ZNF267: variants seen among roughly 807,000 people sequenced by gnomAD.
ZNF267 encodes zinc finger protein 267.
A neutral mutation model predicts 71.6 loss-of-function variants in ZNF267; 61 were observed. The observed-to-expected ratio is 0.85, with a 90% CI of 0.69 to 1.05. The LOEUF (loss-of-function observed/expected upper bound fraction) is 1.05, where lower values mean the gene tolerates loss of function less well. ZNF267 is among the 50% of genes least tolerant of loss of function. The probability of loss-of-function intolerance (pLI) is 0.00; values close to 1 mark genes in which losing one functional copy is unlikely to be tolerated. For synonymous variants in ZNF267, 288 were observed against 293.2 expected (o/e 0.98, Z 0.18); for missense variants, 852 against 870.0 (o/e 0.98, Z 0.26).
chr16:31,873,943 C>T lies in ZNF267; in HGVS notation c.-24C>T. On this transcript the variant is annotated 5_prime_UTR_variant, in exon 1 of 4. Coordinates refer to ENST00000300870, the MANE Select transcript of ZNF267 (RefSeq NM_003414.6). The stretch of plus-strand genomic sequence containing the variant: ...CACTGGGAGATTCGTAGCTAAGACG[C>T]CAGGGCATCCCGGAAGCTGGGAAAT... The T allele has an allele frequency of 1.9e-6, 3 of 1,613,630 alleles. No individual in the cohort carries two copies. The South Asian group carries it at 3.3e-5, about 18-fold the overall frequency.
intron 3 of ZNF267, among the ~76,000 whole-genome samples, chr16:31,899,629 A>T (rs771112401): frequency 1.6e-4 from 25 of 152,176 alleles, no homozygotes; most frequent in Non-Finnish European, 2.5e-4. Flanking sequence ...AGAACTAGAG[A>T]AGCAAGAGGA....
At chr16:31,906,171 G>A (rs539289774) in intron 3 of ZNF267, among the ~76,000 whole-genome samples, 45 of 152,206 alleles carry the variant, frequency 3.0e-4, no homozygotes, top group Non-Finnish European at 4.4e-4. Flanking sequence ...GTACCCGGCC[G>A]TGTGAGGTGT....
At chr16:31,906,944 A>G (rs1005594487) in intron 3 of ZNF267, among the ~76,000 whole-genome samples, 1 of 151,832 alleles carries the variant, frequency 6.6e-6, no homozygotes, top group Non-Finnish European at 1.5e-5. Context: ...TTTTTTTCTA[A>G]TTCATTTTTA....
At chr16:31,894,275 A>G (rs573103232) in intron 3 of ZNF267, among the ~76,000 whole-genome samples, 1 of 152,322 alleles carries the variant, frequency 6.6e-6, no homozygotes, top group African/African-American at 2.4e-5. Context: ...ATGACTGGAG[A>G]GGGCAGCCAG....
chr16:31,884,185 A>G (rs940706767), intron 1 of ZNF267, among the ~76,000 whole-genome samples: 1 of 152,224 alleles, frequency 6.6e-6, no homozygotes, highest in African/African-American at 2.4e-5. Context: ...TGACTTTTGC[A>G]CCTGAGAATT....
rs950391649 is a variant in ZNF267 at position 31,916,555 on chromosome 16, T to C, written c.*74T>C. On this transcript the variant is annotated 3_prime_UTR_variant, in exon 4 of 4. Transcript: ENST00000300870. ...GTGCATCAGATAATTTATATGGGAG[T>C]GAAACCCTACAAATGTTAAGAATGT... 13 of 1,369,924 alleles carry C rather than the reference T, an allele frequency of 9.5e-6. No homozygotes were observed. In the African/African-American group the frequency reaches 1.6e-4, roughly 17 times the overall value. 84.9% of individuals were successfully genotyped at this position (1,369,924 alleles called of 1,614,324 possible). A position where few individuals can be genotyped will look rare whatever the true frequency, so the allele number is the denominator to read the frequency against.
chr16:31,905,856 G>A (rs1055640216), intron 3 of ZNF267, among the ~76,000 whole-genome samples: 3 of 152,194 alleles, frequency 2.0e-5, no homozygotes, highest in African/African-American at 7.2e-5. Context: ...GAGGAGGAGA[G>A]GCACTCTGAT....
chr16:31,909,886 T>C (rs139157156), intron 3 of ZNF267, among the ~76,000 whole-genome samples: 121 of 152,354 alleles, frequency 7.9e-4, no homozygotes, highest in African/African-American at 2.8e-3. Context: ...TTCAGGATGA[T>C]ACTAGCTGTG....
At chr16:31,894,708 A>C in intron 3 of ZNF267, 1 of 477,350 alleles carries the variant, frequency 2.1e-6, no homozygotes, top group South Asian at 1.7e-5. Context: ...GCCTGGAGAC[A>C]GGGCATTCCA....
chr16:31,883,747 TA>T (rs2142333797), intron 1 of ZNF267, among the ~76,000 whole-genome samples: 1 of 152,398 alleles, frequency 6.6e-6, no homozygotes, highest in East Asian at 1.9e-4. Context: ...TTCTAGCTGT[TA>T]TAACTTGTAA....
chr16:31,873,932 T>C lies in ZNF267; in HGVS notation c.-35T>C. 6 of 1,613,720 alleles carry C rather than the reference T, an allele frequency of 3.7e-6. No individual in the cohort carries two copies. The highest frequency in any genetic ancestry group is 5.1e-6 in the Non-Finnish European group (6 of 1,179,732). ...CGACTTGCAGGCACTGGGAGATTCG[T>C]AGCTAAGACGCCAGGGCATCCCGGA... On this transcript the variant is annotated 5_prime_UTR_variant, in exon 1 of 4. Coordinates refer to ENST00000300870, the MANE Select transcript of ZNF267 (RefSeq NM_003414.6).
chr16:31,889,152 T>C (rs1395563854), intron 3 of ZNF267, among the ~76,000 whole-genome samples: 2 of 127,426 alleles, frequency 1.6e-5, no homozygotes, highest in African/African-American at 5.3e-5. Context: ...TTAATAGCTT[T>C]TTGAGTCCTC....
At chr16:31,895,571 A>T (rs1279287268) in intron 3 of ZNF267, among the ~76,000 whole-genome samples, 1 of 152,202 alleles carries the variant, frequency 6.6e-6, no homozygotes, top group African/African-American at 2.4e-5. Context: ...GGCTATACTA[A>T]TTTATAATTC....
At chr16:31,901,629 A>G (rs1464385858) in intron 3 of ZNF267, among the ~76,000 whole-genome samples, 2 of 152,094 alleles carry the variant, frequency 1.3e-5, no homozygotes, top group East Asian at 1.9e-4. Context: ...TCCTTCACCC[A>G]CTTTTTGATG....
chr16:31,887,258 T>C (rs1390802598), intron 3 of ZNF267, among the ~76,000 whole-genome samples: 8 of 152,030 alleles, frequency 5.3e-5, no homozygotes, highest in Non-Finnish European at 1.2e-4. Context: ...TTACTTTTTT[T>C]TTTTTTTTTG....
intron 1 of ZNF267, among the ~76,000 whole-genome samples, chr16:31,880,578 C>G (rs1253232069): frequency 6.6e-6 from 1 of 152,202 alleles, no homozygotes. Context: ...TTTCATCACA[C>G]AGTTACCAGG....
chr16:31,886,877 A>G (rs956966816), intron 3 of ZNF267, among the ~76,000 whole-genome samples: 4 of 152,214 alleles, frequency 2.6e-5, no homozygotes, highest in African/African-American at 7.2e-5. Context: ...TGGTTATACA[A>G]TTAGAAGTAG....
chr16:31,915,210 C>T lies in ZNF267; in HGVS notation c.961C>T (p.Pro321Ser). Reference sequence around the variant, plus strand: ...GCAGATAATCCATAATGAAGAGAAACCATACAAATGTGAAAAATGTGGGGA... The same window carrying T: ...GCAGATAATCCATAATGAAGAGAAATCATACAAATGTGAAAAATGTGGGGA... ...RKQIIHNEEK[P>S]YKCEKCGDSL... The change falls in exon 4 of 4, where the codon CCA (proline) becomes TCA (serine). Residue 321 changes from proline (P) to serine (S), a missense_variant. Transcript: ENST00000300870. The T allele has an allele frequency of 2.5e-6, 4 of 1,613,642 alleles. No homozygotes were observed. Among genetic ancestry groups the T allele is most frequent in the Non-Finnish European group, 3.4e-6 (4 of 1,179,846 alleles).
In ZNF267 at chr16:31,914,638, A is replaced by G. The variant is rs1279730490; in HGVS notation, c.389A>G (p.Asp130Gly). Residue 130 changes from aspartate (D) to glycine (G), a missense_variant, in exon 4 of 4, where the codon GAT (aspartate) becomes GGT (glycine). Transcript: ENST00000300870. Reference protein sequence around the residue: ...EECEGHNGCYDEKTFKYDQFD... With the variant: ...EECEGHNGCYGEKTFKYDQFD... ...TGTGAAGGGCACAATGGATGTTATG[A>G]TGAAAAGACTTTTAAATATGATCAA... 3 of 1,613,924 alleles carry G rather than the reference A, an allele frequency of 1.9e-6. No individual in the cohort carries two copies. The highest frequency in any genetic ancestry group is 4.5e-5 in the East Asian group (2 of 44,882).
Sources: gnomAD v4.1 joint callset for allele counts (sites outside exome capture counted in the v4.1 genomes callset) on GRCh38, gnomAD v4.1.1 for gene constraint, MANE v1.5 for transcripts, NCBI Gene and HGNC (gene_info 2026-07-23, HGNC 2026-07-21) for gene names.